The following ZNF827 variants were observed in gnomAD, a reference collection of about 807,000 sequenced individuals.
ZNF827 encodes the protein zinc finger protein 827.
Under a neutral mutation model 102.4 loss-of-function variants are expected in ZNF827, and 13 were observed. The observed-to-expected ratio is 0.13, with a 90% CI of 0.08 to 0.20. The LOEUF (loss-of-function observed/expected upper bound fraction) is 0.20, where lower values mean the gene tolerates loss of function less well. ZNF827 is among the 10% of genes least tolerant of loss of function. ZNF827 has a pLI of 1.00. For synonymous variants in ZNF827, 523 were observed against 536.2 expected (o/e 0.98, Z 0.34); for missense variants, 1,103 against 1,344.4 (o/e 0.82, Z 2.81).
At chr4:145,802,668 G>A (rs941222468) in intron 8 of ZNF827, among the ~76,000 whole-genome samples, 2 of 152,216 alleles carry the variant, frequency 1.3e-5, no homozygotes, top group Admixed American at 1.3e-4. Flanking sequence ...TTTTAAAAGG[G>A]TGAAATAAGT....
chr4:145,889,262 A>C (rs972483938), intron 3 of ZNF827, among the ~76,000 whole-genome samples: 5 of 152,228 alleles, frequency 3.3e-5, no homozygotes, highest in Non-Finnish European at 5.9e-5. Context: ...ACATTAATGT[A>C]TATTGAGATG....
chr4:145,824,482 A>T (rs1180758077), intron 7 of ZNF827, among the ~76,000 whole-genome samples: 1 of 152,140 alleles, frequency 6.6e-6, no homozygotes, highest in African/African-American at 2.4e-5. Context: ...CAGCCCAGAG[A>T]TAGGAAGGGC....
chr4:145,843,069 A>AT (rs1019774791), intron 7 of ZNF827, among the ~76,000 whole-genome samples: 26 of 151,198 alleles, frequency 1.7e-4, no homozygotes, highest in South Asian at 6.3e-4. Flanking sequence ...GAAAATTGGC[A>AT]TTTTTTTTTC....
chr4:145,913,425 C>CAAAAAAAAA (rs775706430), intron 1 of ZNF827, among the ~76,000 whole-genome samples: 1 of 73,330 alleles, frequency 1.4e-5, no homozygotes, highest in African/African-American at 5.1e-5. Context: ...GACCCTGTCT[C>CAAAAAAAAA]AAAAAAAAAA....
intron 5 of ZNF827, among the ~76,000 whole-genome samples, chr4:145,868,725 C>A (rs1748423217): frequency 1.3e-5 from 2 of 152,116 alleles, no homozygotes; most frequent in African/African-American, 4.8e-5. Context: ...TTGGTGCTAC[C>A]CAAGTCTCTT....
At chr4:145,883,061 TA>T (rs35477097) in intron 4 of ZNF827, among the ~76,000 whole-genome samples, 54,675 of 144,698 alleles carry the variant, frequency 0.38, 11,038 homozygotes, top group East Asian at 0.79. Context: ...TAAGTAAAAT[TA>T]AAAAAAAAAA....
chr4:145,811,319 A>G (rs1741985503), intron 8 of ZNF827, among the ~76,000 whole-genome samples: 1 of 152,156 alleles, frequency 6.6e-6, no homozygotes, highest in African/African-American at 2.4e-5. Context: ...TATTTTTAAT[A>G]GAGTATTTCA....
chr4:145,882,487 C>T (rs948206023), intron 4 of ZNF827, among the ~76,000 whole-genome samples: 2 of 152,046 alleles, frequency 1.3e-5, no homozygotes, highest in African/African-American at 4.8e-5. Context: ...ATTTCACAAT[C>T]ATGCACGTTA....
intron 2 of ZNF827, among the ~76,000 whole-genome samples, chr4:145,895,269 C>T (rs951140911): frequency 6.6e-6 from 1 of 152,146 alleles, no homozygotes; most frequent in Admixed American, 6.5e-5. Context: ...CCTAATGTGA[C>T]CAATGCGTTT....
At chr4:145,843,958 CCTCAATAAAG>C (rs1560988940) in intron 7 of ZNF827, among the ~76,000 whole-genome samples, 1 of 152,176 alleles carries the variant, frequency 6.6e-6, no homozygotes, top group Non-Finnish European at 1.5e-5. Flanking sequence ...GAGAGCATTC[CCTCAATAAAG>C]CACTTCCACG....
chr4:145,906,938 A>T (rs1751917453), intron 1 of ZNF827: 1 of 409,732 alleles, frequency 2.4e-6, no homozygotes, highest in Non-Finnish European at 4.7e-6. Context: ...TTTTCTGAAG[A>T]TGCTGCTACT....
In ZNF827 at chr4:145,902,641, C is replaced by T. The variant is rs751621885; in HGVS notation, c.618G>A (p.Leu206=). ...WLPNSTTTCS[L]SPDSAILKLK... ...GTTTTAGGATGGCTGAATCCGGAGACAAGCTGCAGGTGGTGGTTGAGTTTG... is the reference window on the plus strand; with the variant it reads ...GTTTTAGGATGGCTGAATCCGGAGATAAGCTGCAGGTGGTGGTTGAGTTTG... Residue 206 remains leucine, a synonymous_variant, in exon 2 of 15, where the codon TTG becomes TTA. Transcript: ENST00000508784. The surrounding 1 kb of genome is among the most constrained non-coding windows in gnomAD (Gnocchi z 4.3). The T allele has an allele frequency of 1.2e-6, 2 of 1,614,056 alleles. No homozygotes were observed. The highest frequency in any genetic ancestry group is 1.1e-5 in the South Asian group (1 of 91,074).
intron 6 of ZNF827, among the ~76,000 whole-genome samples, chr4:145,847,104 A>G (rs953756082): frequency 3.3e-5 from 5 of 152,206 alleles, no homozygotes; most frequent in African/African-American, 1.2e-4. Flanking sequence ...TAGTGAGCCA[A>G]GACTGTGCCA....
intron 8 of ZNF827, among the ~76,000 whole-genome samples, chr4:145,791,037 T>G (rs1326573081): frequency 6.6e-6 from 1 of 152,230 alleles, no homozygotes; most frequent in Non-Finnish European, 1.5e-5. Flanking sequence ...TATGTAATTA[T>G]TTTTCCTCAG....
chr4:145,897,009 A>C (rs1301373554), intron 2 of ZNF827, among the ~76,000 whole-genome samples: 1 of 152,224 alleles, frequency 6.6e-6, no homozygotes, highest in African/African-American at 2.4e-5. Flanking sequence ...TACAGTAGTA[A>C]ATATAAGCAA....
chr4:145,761,658 T>TC lies in ZNF827; in HGVS notation c.*18-61dup. 9.5e-7 allele frequency: 1 copy of TC among 1,047,764 alleles called. No homozygotes were observed. The highest frequency in any genetic ancestry group is 1.3e-6 in the Non-Finnish European group (1 of 796,036). The allele number at this position is 1,047,764 out of a possible 1,614,324, so 64.9% of individuals were successfully genotyped here. A position where few individuals can be genotyped will look rare whatever the true frequency, so the allele number is the denominator to read the frequency against. ...GGGAAGGTTCGGAGGCAGCCGCGCTTCTCGCCGCCTCACCAGCCTTCCCTC... is the reference window on the plus strand; with the variant it reads ...GGGAAGGTTCGGAGGCAGCCGCGCTTCCTCGCCGCCTCACCAGCCTTCCCTC... On this transcript the variant is annotated intron_variant, in intron 14 of 14. Coordinates refer to ENST00000508784, the MANE Select transcript of ZNF827 (RefSeq NM_001306215.2). The surrounding 1 kb of genome is among the most constrained non-coding windows in gnomAD (Gnocchi z 6.8).
intron 8 of ZNF827, among the ~76,000 whole-genome samples, chr4:145,812,296 G>A (rs1167787277): frequency 3.3e-5 from 5 of 152,016 alleles, no homozygotes; most frequent in African/African-American, 9.7e-5. Context: ...ATTATCACAT[G>A]AGAAAATCAG....
intron 8 of ZNF827, among the ~76,000 whole-genome samples, chr4:145,784,453 C>CTT (rs1738555153): frequency 6.6e-6 from 1 of 152,188 alleles, no homozygotes; most frequent in South Asian, 2.1e-4. Context: ...TTTTGACAGG[C>CTT]TTTAATTCCC....
At chr4:145,830,727 A>G (rs1157711911) in intron 7 of ZNF827, 2 of 152,210 alleles carry the variant, frequency 1.3e-5, no homozygotes, top group African/African-American at 4.8e-5. Context: ...AGTTCTACAT[A>G]TTTTTGTAAA....
Sources: gnomAD v4.1 joint callset for allele counts (sites outside exome capture counted in the v4.1 genomes callset) on GRCh38, gnomAD v4.1.1 for gene constraint, Gnocchi (gnomAD v3.1) non-coding constraint, MANE v1.5 for transcripts, NCBI Gene and HGNC (gene_info 2026-07-23, HGNC 2026-07-21) for gene names.